Variants in CLVS1 observed in about 807,000 individuals in gnomAD.
CLVS1 encodes clavesin-1.
Under a neutral mutation model 33.1 loss-of-function variants are expected in CLVS1, and 10 were observed. That is an observed-to-expected ratio of 0.30 (90% confidence interval 0.19 to 0.51). The LOEUF is 0.51. CLVS1 is among the 20% of genes least tolerant of loss of function. The pLI, the probability that CLVS1 is intolerant of heterozygous loss-of-function variation, is 0.97. For missense variants in CLVS1, 343 were observed against 433.4 expected (o/e 0.79, Z 1.85); for synonymous variants, 163 against 166.1 (o/e 0.98, Z 0.14).
At chr8:61,241,546 TAAAA>T (rs1480235322) in intron 2 of CLVS1, among the ~76,000 whole-genome samples, 2 of 152,208 alleles carry the variant, frequency 1.3e-5, no homozygotes, top group Non-Finnish European at 2.9e-5. Context: ...GTATAAAAAT[TAAAA>T]AAATGCAAAA....
At chr8:61,120,998 C>T (rs1210061035) in intron 1 of CLVS1, among the ~76,000 whole-genome samples, 1 of 151,184 alleles carries the variant, frequency 6.6e-6, no homozygotes, top group Non-Finnish European at 1.5e-5. Context: ...AGTTTGATCT[C>T]AGACTGCTGT....
intron 3 of CLVS1, among the ~76,000 whole-genome samples, chr8:61,382,170 C>A (rs1040842796): frequency 3.3e-5 from 5 of 152,230 alleles, no homozygotes; most frequent in Non-Finnish European, 7.3e-5. Context: ...CATCAATGGG[C>A]AATGGTAGTT....
chr8:61,052,532 G>T (rs2129276326), upstream of CLVS1, among the ~76,000 whole-genome samples: 1 of 127,608 alleles, frequency 7.8e-6, no homozygotes, highest in Non-Finnish European at 1.6e-5. Context: ...GAGGACTAGG[G>T]AGGGAGTCAT....
chr8:61,274,151 T>C (rs1182164362), intron 2 of CLVS1: 1 of 152,216 alleles, frequency 6.6e-6, no homozygotes, highest in Non-Finnish European at 1.5e-5. Flanking sequence ...TCACATGGTA[T>C]TAGGCAATCA....
intron 2 of CLVS1, among the ~76,000 whole-genome samples, chr8:61,323,399 C>T (rs143558570): frequency 3.9e-5 from 6 of 152,294 alleles, no homozygotes; most frequent in South Asian, 2.1e-4. Context: ...GTCCATTCCA[C>T]CTCTTGAGGG....
chr8:61,240,145 T>C lies in CLVS1; in HGVS notation c.-151-59532T>C, dbSNP rs142380342. Among the ~76,000 whole-genome samples, 66 of 152,368 alleles carry C rather than the reference T, an allele frequency of 4.3e-4. No homozygotes were observed. The East Asian group carries it at 0.012, about 27-fold the overall frequency. On this transcript the variant is annotated intron_variant, in intron 2 of 2. Transcript: ENST00000522621. ...AATGAGAGGTAGAGATGAGATTACA[T>C]TGGAGAGGTTATAGCGCTGCTTTTT... is the stretch of plus-strand genomic sequence containing the variant.
At chr8:61,412,837 G>A (rs1166050609) in intron 3 of CLVS1, among the ~76,000 whole-genome samples, 2 of 152,168 alleles carry the variant, frequency 1.3e-5, no homozygotes, top group South Asian at 2.1e-4. Context: ...TCAAGAACTG[G>A]TATTAAGAAG....
intron 3 of CLVS1, among the ~76,000 whole-genome samples, chr8:61,400,346 T>A (rs1039764799): frequency 6.6e-6 from 1 of 152,154 alleles, no homozygotes; most frequent in Non-Finnish European, 1.5e-5. Context: ...CTGTTGTTGG[T>A]GTATAGGAAT....
chr8:61,060,666 T>C (rs1804566801), intron 1 of CLVS1, among the ~76,000 whole-genome samples: 1 of 152,236 alleles, frequency 6.6e-6, no homozygotes, highest in African/African-American at 2.4e-5. Context: ...AGTGGTATCA[T>C]GTAGTTTCCA....
intron 1 of CLVS1, among the ~76,000 whole-genome samples, chr8:61,098,246 T>C (rs968423371): frequency 1.3e-5 from 2 of 152,072 alleles, no homozygotes; most frequent in African/African-American, 4.8e-5. Flanking sequence ...ATCGCCCTCA[T>C]GGTTTACATA....
chr8:61,174,316 A>G (rs1292651914), intron 2 of CLVS1, among the ~76,000 whole-genome samples: 1 of 152,160 alleles, frequency 6.6e-6, no homozygotes, highest in Non-Finnish European at 1.5e-5. Flanking sequence ...TATTCTGTGT[A>G]TTCAAAAAGT....
At chr8:61,144,745 A>G (rs1210884727) in intron 2 of CLVS1, among the ~76,000 whole-genome samples, 1 of 152,196 alleles carries the variant, frequency 6.6e-6, no homozygotes, top group Non-Finnish European at 1.5e-5. Context: ...AATGATCGCT[A>G]TTCTAACTGG....
chr8:61,271,994 T>C (rs1335160043), intron 2 of CLVS1, among the ~76,000 whole-genome samples: 1 of 151,858 alleles, frequency 6.6e-6, no homozygotes, highest in East Asian at 1.9e-4. Flanking sequence ...TCCATTTACA[T>C]TTAAAGTTAA....
intron 2 of CLVS1, among the ~76,000 whole-genome samples, chr8:61,224,357 G>A (rs1317418199): frequency 1.3e-5 from 2 of 152,018 alleles, no homozygotes; most frequent in African/African-American, 2.4e-5. Flanking sequence ...CTTTTGTGAG[G>A]GCCTTTTGTT....
At chr8:61,329,811 C>G in intron 2 of CLVS1, among the ~76,000 whole-genome samples, 1 of 152,094 alleles carries the variant, frequency 6.6e-6, no homozygotes. Context: ...CATTCCCTTC[C>G]CTATATAACC....
intron 2 of CLVS1, among the ~76,000 whole-genome samples, chr8:61,150,325 G>A (rs1806504065): frequency 6.6e-6 from 1 of 152,130 alleles, no homozygotes; most frequent in African/African-American, 2.4e-5. Flanking sequence ...GAGAGCCAGG[G>A]GCATGGCGCT....
At chr8:60,978,809 CAAAAAAAAAAA>C in the CLVS1 span, among the ~76,000 whole-genome samples, 4 of 22,534 alleles carry the variant, frequency 1.8e-4, no homozygotes, top group Admixed American at 5.2e-4. Flanking sequence ...GACTCCATCT[CAAAAAAAAAAA>C]AAAAAAAAAA....
intron 3 of CLVS1, among the ~76,000 whole-genome samples, chr8:61,384,959 C>T (rs1249645689): frequency 2.6e-5 from 4 of 151,990 alleles, no homozygotes; most frequent in Non-Finnish European, 5.9e-5. Flanking sequence ...TGGAAAGAAA[C>T]CATGGCAGTG....
At chr8:61,009,950 A>G in the CLVS1 span, among the ~76,000 whole-genome samples, 2 of 152,216 alleles carry the variant, frequency 1.3e-5, no homozygotes, top group Admixed American at 6.5e-5. Context: ...TATTGTGCCA[A>G]AGGTGCATTT....
Sources: allele counts gnomAD v4.1 joint callset (sites outside exome capture counted in the v4.1 genomes callset), GRCh38; gene constraint gnomAD v4.1.1; transcripts MANE v1.5; gene names NCBI Gene and HGNC (gene_info 2026-07-23, HGNC 2026-07-21).